The following SYNM variants were observed in gnomAD, a reference collection of about 807,000 sequenced individuals.
SYNM encodes desmuslin.
A neutral mutation model predicts 104.0 loss-of-function variants in SYNM; 95 were observed. The ratio of observed to expected loss-of-function variants is 0.91; its 90% CI spans 0.77 to 1.08. The LOEUF (loss-of-function observed/expected upper bound fraction) is 1.08. SYNM is among the 50% of genes least tolerant of loss of function. The pLI is 0.00. For synonymous variants in SYNM, 918 were observed against 869.0 expected (o/e 1.06, Z -0.99); for missense variants, 2,150 against 2,052.2 (o/e 1.05, Z -0.92).
At chr15:99,140,012 A>G, downstream of SYNM, 1 of 240,752 alleles carries the variant, frequency 4.2e-6, no homozygotes, top group Non-Finnish European at 8.3e-6. Flanking sequence ...TGGCCAAAAT[A>G]ATTTTGAGAA....
intron 3 of SYNM, 62 bp from the exon 4 acceptor site, chr15:99,129,305 T>C: frequency 4.4e-6 from 7 of 1,577,784 alleles, no homozygotes; most frequent in Non-Finnish European, 6.0e-6. Flanking sequence ...CAACAATGCT[T>C]GTAGATGGAA....
intron 2 of SYNM, among the ~76,000 whole-genome samples, chr15:99,117,586 A>G (rs2067361304): frequency 6.6e-6 from 1 of 152,206 alleles, no homozygotes; most frequent in Non-Finnish European, 1.5e-5. Flanking sequence ...TTTCTGTAAT[A>G]GTTCTCTGAG....
chr15:99,139,351 G>C, downstream of SYNM: 1 of 1,613,970 alleles, frequency 6.2e-7, no homozygotes, highest in Non-Finnish European at 8.5e-7. Context: ...TGGGTGGCCA[G>C]AGTCCTTTTG....
intron 1 of SYNM, among the ~76,000 whole-genome samples, chr15:99,111,906 G>A (rs771643957): frequency 6.6e-6 from 1 of 152,206 alleles, no homozygotes; most frequent in African/African-American, 2.4e-5. Flanking sequence ...TCAGTTGGGC[G>A]TGATGGCAGG....
chr15:99,133,219 C>T lies in SYNM; in HGVS notation c.*161C>T, dbSNP rs116894578. The T allele has an allele frequency of 8.7e-4, 1,210 of 1,387,050 alleles. 30 individuals carry two copies. In the East Asian group the frequency reaches 0.026, roughly 30 times the overall value. 85.9% of individuals were successfully genotyped at this position (1,387,050 alleles called of 1,614,324 possible). ...TGGTCAATTTCCTTTATAGTTAATC[C>T]GTAAAGGTTTCCAGTTAATTCATGC... On this transcript the variant is annotated 3_prime_UTR_variant, in exon 4 of 4. Coordinates refer to ENST00000336292, the MANE Select transcript of SYNM (RefSeq NM_145728.3).
downstream of SYNM, among the ~76,000 whole-genome samples, chr15:99,135,755 C>T (rs1359907606): frequency 2.6e-5 from 4 of 152,204 alleles, no homozygotes; most frequent in African/African-American, 9.6e-5. Context: ...TCACCTGAAT[C>T]GGAACTCAAT....
intron 1 of SYNM, among the ~76,000 whole-genome samples, chr15:99,107,433 A>G (rs1232505098): frequency 1.3e-5 from 2 of 152,210 alleles, no homozygotes; most frequent in Non-Finnish European, 2.9e-5. Context: ...TGTCAAACCT[A>G]CTGCCCAGGG....
rs1177840124 is a variant in SYNM at position 99,106,042 on chromosome 15, A to T, written c.810+33A>T. On this transcript the variant is annotated intron_variant, in intron 1 of 3. Coordinates refer to ENST00000336292, the MANE Select transcript of SYNM (RefSeq NM_145728.3). The stretch of plus-strand genomic sequence containing the variant: ...CGCGGGGATGGCGCGCTGACCCCAT[A>T]CCCGCTGCCGTCGCCCCAGCACCCT... 2.1e-6 allele frequency: 3 copies of T among 1,406,966 alleles called. No homozygotes were observed. The African/African-American group carries it at 4.5e-5, about 21-fold the overall frequency. 87.2% of individuals were successfully genotyped at this position (1,406,966 alleles called of 1,614,324 possible).
rs2067534874 is a variant in SYNM, at chr15:99,133,549, CA to C, written c.*492del. The C allele has an allele frequency of 6.2e-6, 1 of 160,150 alleles. No individual in the cohort carries two copies. The highest frequency in any genetic ancestry group is 1.4e-5 in the Non-Finnish European group (1 of 72,302). The allele number at this position is 160,150 out of a possible 1,614,324, so 9.9% of individuals were successfully genotyped here. On this transcript the variant is annotated 3_prime_UTR_variant, in exon 4 of 4. Coordinates refer to ENST00000336292, the MANE Select transcript of SYNM (RefSeq NM_145728.3). ...TTTTCAAAAAGAAATGGGAAATAGG[CA>C]GACTGTTTATGTTAAAAAAATTCTT...
chr15:99,122,220 C>T (rs958635683), intron 2 of SYNM, among the ~76,000 whole-genome samples: 15 of 152,270 alleles, frequency 9.9e-5, no homozygotes, highest in South Asian at 8.3e-4. Context: ...GCAGAAGCAG[C>T]GTGTTTTAAT....
At chr15:99,111,966 T>C (rs61034773) in intron 1 of SYNM, among the ~76,000 whole-genome samples, 2,335 of 152,322 alleles carry the variant, frequency 0.015, 63 homozygotes, top group African/African-American at 0.053. Flanking sequence ...GGAGAATCAC[T>C]TGAACCTGGG....
intron 3 of SYNM, among the ~76,000 whole-genome samples, chr15:99,127,703 A>C (rs1279995618): frequency 6.6e-6 from 1 of 152,236 alleles, no homozygotes; most frequent in Non-Finnish European, 1.5e-5. Context: ...AAAGGTGTTC[A>C]TGGAAGGGTA....
In SYNM at chr15:99,105,219, A is replaced by G; in HGVS notation, c.20A>G (p.Gln7Arg). 1 of 1,574,034 alleles carries G rather than the reference A, an allele frequency of 6.4e-7. No individual in the cohort carries two copies. The highest frequency in any genetic ancestry group is 8.6e-7 in the Non-Finnish European group (1 of 1,161,606). Residue 7 changes from glutamine to arginine, a missense_variant, in exon 1 of 4, where the codon CAG (glutamine) becomes CGG (arginine). Gln to Arg is a conservative substitution (Grantham distance 43). Coordinates refer to ENST00000336292, the MANE Select transcript of SYNM (RefSeq NM_145728.3). The part of the protein sequence containing the change: MLSWRL[Q>R]TGPEKAELQE... ...GGCAAGATGCTGTCCTGGCGGCTGC[A>G]GACGGGCCCCGAGAAGGCCGAGCTC...
At position 99,105,425 on chromosome 15, in the gene SYNM, T is replaced by G. The variant is rs1247533862; in HGVS notation, c.226T>G (p.Trp76Gly). Reference protein sequence around the residue: ...SLRQQLDELSWATALAEGERD... With the variant: ...SLRQQLDELSGATALAEGERD... Reference sequence around the variant, plus strand: ...GCGGCAGCAGCTGGACGAGCTGAGCTGGGCCACTGCGCTGGCGGAGGGCGA... The same window carrying G: ...GCGGCAGCAGCTGGACGAGCTGAGCGGGGCCACTGCGCTGGCGGAGGGCGA... Residue 76 changes from tryptophan to glycine, a missense_variant, in exon 1 of 4, where the codon TGG (tryptophan) becomes GGG (glycine). Coordinates refer to ENST00000336292, the MANE Select transcript of SYNM (RefSeq NM_145728.3). 1.3e-6 allele frequency: 2 copies of G among 1,481,858 alleles called. No individual in the cohort carries two copies. The highest frequency in any genetic ancestry group is 1.8e-6 in the Non-Finnish European group (2 of 1,123,226). The allele number at this position is 1,481,858 out of a possible 1,614,324, so 91.8% of individuals were successfully genotyped here.
chr15:99,105,255 A>G lies in SYNM; in HGVS notation c.56A>G (p.Asn19Ser). The G allele has an allele frequency of 6.4e-7, 1 of 1,567,750 alleles. No individual in the cohort carries two copies. Residue 19 changes from asparagine (N) to serine (S), a missense_variant, in exon 1 of 4, where the codon AAC becomes AGC. Coordinates refer to ENST00000336292, the MANE Select transcript of SYNM (RefSeq NM_145728.3). ...GPEKAELQEL[N>S]ARLYDYVCRV... ...GAGAAGGCCGAGCTCCAGGAGCTCA[A>G]CGCCCGGCTCTATGACTACGTGTGT...
At chr15:99,106,494 A>T (rs1175145903) in intron 1 of SYNM, among the ~76,000 whole-genome samples, 1 of 152,116 alleles carries the variant, frequency 6.6e-6, no homozygotes, top group Non-Finnish European at 1.5e-5. Context: ...TGCCAATATG[A>T]TTTCCCAGTT....
intron 2 of SYNM, among the ~76,000 whole-genome samples, chr15:99,120,493 C>T (rs1374757194): frequency 2.0e-5 from 3 of 152,104 alleles, no homozygotes; most frequent in East Asian, 3.8e-4. Flanking sequence ...GCTTTGGGGG[C>T]GTGTCATGGA....
In SYNM at chr15:99,132,470, C is replaced by A; in HGVS notation, c.4110C>A (p.Ser1370Arg). The A allele has an allele frequency of 6.2e-7, 1 of 1,614,042 alleles. No homozygotes were observed. The highest frequency in any genetic ancestry group is 8.5e-7 in the Non-Finnish European group (1 of 1,179,896). ...GACAAACCGTTATGACTGAAAAGAG[C>A]ACCTTCCAAAGTGTCGTTTCTGAAT... ...SGRQTVMTEK[S>R]TFQSVVSESP... The change falls in exon 4 of 4, where the codon AGC becomes AGA. Residue 1370 changes from serine to arginine, a missense_variant. Ser to Arg is a moderately radical substitution (Grantham distance 110). Coordinates refer to ENST00000336292, the MANE Select transcript of SYNM (RefSeq NM_145728.3).
chr15:99,130,458 G>T lies in SYNM; in HGVS notation c.2098G>T (p.Asp700Tyr), dbSNP rs1555485608. 1 of 1,613,768 alleles carries T rather than the reference G, an allele frequency of 6.2e-7. No homozygotes were observed. Among genetic ancestry groups the T allele is most frequent in the Admixed American group, 1.7e-5 (1 of 60,006 alleles). Reference sequence around the variant, plus strand: ...ACTGACTGAGGATGTTGATGTTTCCGATGAAGCTGGCCTGGACTACCTTTT... The same window carrying T: ...ACTGACTGAGGATGTTGATGTTTCCTATGAAGCTGGCCTGGACTACCTTTT... Reference protein sequence around the residue: ...SKLTEDVDVSDEAGLDYLLSK... With the variant: ...SKLTEDVDVSYEAGLDYLLSK... Residue 700 changes from aspartate (D) to tyrosine (Y), a missense_variant, in exon 4 of 4, where the codon GAT becomes TAT. Transcript: ENST00000336292.
Sources: allele counts gnomAD v4.1 joint callset (sites outside exome capture counted in the v4.1 genomes callset), GRCh38; gene constraint gnomAD v4.1.1; transcripts MANE v1.5; gene names NCBI Gene and HGNC (gene_info 2026-07-23, HGNC 2026-07-21).